The following MTUS2 variants were observed in gnomAD, a reference collection of about 807,000 sequenced individuals.
MTUS2 encodes the protein microtubule-associated tumor suppressor candidate 2.
MTUS2 carries 40 observed loss-of-function variants against 114.1 expected under a neutral mutation model. The ratio of observed to expected loss-of-function variants is 0.35; its 90% confidence interval spans 0.27 to 0.46. The LOEUF (loss-of-function observed/expected upper bound fraction) is 0.46. MTUS2 is among the 20% of genes least tolerant of loss of function. MTUS2 has a pLI of 1.00. For synonymous variants in MTUS2, 688 were observed against 672.0 expected (o/e 1.02, Z -0.37); for missense variants, 1,679 against 1,705.4 (o/e 0.98, Z 0.27).
rs140376755 is a variant in MTUS2, at chr13:29,007,258, G to A, written c.-242-17199G>A. On this transcript the variant is annotated intron_variant, in intron 2 of 15. Coordinates refer to ENST00000612955, the MANE Select transcript of MTUS2 (RefSeq NM_001033602.4). ...TTTAAATTTTTAAATTTTTATTATA[G>A]TGATAAAAGGCTTATTATAAGAAAT... Among the ~76,000 whole-genome samples the A allele has an allele frequency of 4.2e-3, 642 of 151,854 alleles. 5 individuals are homozygous for A. Among genetic ancestry groups the A allele is most frequent in the African/African-American group, 0.015 (617 of 41,382 alleles).
intron 3 of MTUS2, among the ~76,000 whole-genome samples, chr13:29,027,893 T>C (rs1344170115): frequency 2.0e-5 from 3 of 152,126 alleles, no homozygotes; most frequent in African/African-American, 7.2e-5. Context: ...GAGCTTTAAG[T>C]CACCCACCAC....
intron 2 of MTUS2, among the ~76,000 whole-genome samples, chr13:28,956,387 C>T (rs1015401812): frequency 2.0e-5 from 3 of 152,058 alleles, no homozygotes; most frequent in African/African-American, 2.4e-5. Flanking sequence ...TTCAATAGGG[C>T]GGCAGCAACC....
chr13:29,250,117 T>TA (rs200546998), intron 5 of MTUS2, among the ~76,000 whole-genome samples: 2,915 of 152,078 alleles, frequency 0.019, 90 homozygotes, highest in African/African-American at 0.067. Flanking sequence ...AATTCTTTCT[T>TA]AAAAAATAAT....
intron 8 of MTUS2, among the ~76,000 whole-genome samples, chr13:29,438,485 G>T (rs532128067): frequency 6.6e-6 from 1 of 152,154 alleles, no homozygotes; most frequent in Non-Finnish European, 1.5e-5. Context: ...CCACTTTCCC[G>T]TAAACATTAG....
chr13:29,127,876 C>A (rs1298211649), intron 5 of MTUS2, among the ~76,000 whole-genome samples: 1 of 152,186 alleles, frequency 6.6e-6, no homozygotes, highest in East Asian at 1.9e-4. Context: ...TTAGTGTATT[C>A]AACAGATGTT....
At chr13:29,297,774 ATAATAT>A (rs1422423684) in intron 6 of MTUS2, among the ~76,000 whole-genome samples, 2 of 152,192 alleles carry the variant, frequency 1.3e-5, no homozygotes, top group Non-Finnish European at 2.9e-5. Context: ...ATCCACTCCT[ATAATAT>A]TGATTTCCTG....
chr13:29,125,249 C>G (rs1202010364), intron 5 of MTUS2, among the ~76,000 whole-genome samples: 1 of 152,084 alleles, frequency 6.6e-6, no homozygotes, highest in African/African-American at 2.4e-5. Flanking sequence ...GTGTTTACAT[C>G]CAATAGTGGT....
chr13:29,251,922 C>G (rs1897136776), intron 5 of MTUS2, among the ~76,000 whole-genome samples: 1 of 152,070 alleles, frequency 6.6e-6, no homozygotes, highest in Non-Finnish European at 1.5e-5. Context: ...TATTTGAGTC[C>G]CTGCTTTCAG....
At chr13:29,475,901 G>A (rs976167690) in intron 9 of MTUS2, among the ~76,000 whole-genome samples, 12 of 152,208 alleles carry the variant, frequency 7.9e-5, no homozygotes, top group East Asian at 7.7e-4. Flanking sequence ...AGTGTATGGT[G>A]TTTCTAAAGT....
chr13:29,233,633 A>C (rs1375597219), intron 5 of MTUS2, among the ~76,000 whole-genome samples: 1 of 152,218 alleles, frequency 6.6e-6, no homozygotes, highest in African/African-American at 2.4e-5. Context: ...TCACTCACCC[A>C]CAGACATTTT....
At chr13:29,192,548 A>G (rs190685499) in intron 5 of MTUS2, among the ~76,000 whole-genome samples, 17 of 152,298 alleles carry the variant, frequency 1.1e-4, no homozygotes, top group African/African-American at 4.1e-4. Context: ...AAGATAGTAA[A>G]TGTTCCCAAC....
chr13:29,372,468 A>C (rs1364963152), intron 8 of MTUS2, among the ~76,000 whole-genome samples: 1 of 151,586 alleles, frequency 6.6e-6, no homozygotes, highest in Non-Finnish European at 1.5e-5. Context: ...GGTAACAATT[A>C]TTATATGTTA....
chr13:29,466,560 A>G (rs1879898821), intron 9 of MTUS2, among the ~76,000 whole-genome samples: 1 of 152,240 alleles, frequency 6.6e-6, no homozygotes. Flanking sequence ...ATTAAAAGCC[A>G]TAAACTGATG....
At chr13:29,176,430 G>A (rs1162344251) in intron 5 of MTUS2, among the ~76,000 whole-genome samples, 1 of 152,150 alleles carries the variant, frequency 6.6e-6, no homozygotes, top group Non-Finnish European at 1.5e-5. Flanking sequence ...GTGTTCTCTT[G>A]GAGCAGGTGC....
intron 5 of MTUS2, among the ~76,000 whole-genome samples, chr13:29,244,162 G>A (rs1896826257): frequency 6.6e-6 from 1 of 152,182 alleles, no homozygotes; most frequent in African/African-American, 2.4e-5. Flanking sequence ...AATACATTCT[G>A]GAAGGAGTAG....
At chr13:29,005,631 G>A (rs991347153) in intron 2 of MTUS2, among the ~76,000 whole-genome samples, 1 of 152,200 alleles carries the variant, frequency 6.6e-6, no homozygotes, top group African/African-American at 2.4e-5. Context: ...AAGTGCAGCC[G>A]TCGTCTTGGA....
chr13:29,449,202 T>A (rs928341109), intron 9 of MTUS2, among the ~76,000 whole-genome samples: 7 of 152,116 alleles, frequency 4.6e-5, no homozygotes, highest in African/African-American at 9.7e-5. Context: ...TAGAAAAAAA[T>A]TTTGAGAGCT....
At chr13:28,947,395 T>C (rs1261899584) in intron 2 of MTUS2, among the ~76,000 whole-genome samples, 3 of 152,238 alleles carry the variant, frequency 2.0e-5, no homozygotes, top group African/African-American at 4.8e-5. Context: ...GAATAATGCT[T>C]GAGAAAGCAT....
intron 2 of MTUS2, among the ~76,000 whole-genome samples, chr13:28,842,682 A>G (rs374463103): frequency 1.3e-5 from 2 of 152,218 alleles, no homozygotes; most frequent in Non-Finnish European, 2.9e-5. Flanking sequence ...AAAGATGTAT[A>G]TACTCTGCAG....
Sources: gnomAD v4.1 joint callset for allele counts (sites outside exome capture counted in the v4.1 genomes callset) on GRCh38, gnomAD v4.1.1 for gene constraint, MANE v1.5 for transcripts, NCBI Gene and HGNC (gene_info 2026-07-23, HGNC 2026-07-21) for gene names.